The following BICDL1 variants were observed in gnomAD, a reference collection of about 807,000 sequenced individuals.
BICDL1 encodes BICD family-like cargo adapter 1.
Under a neutral mutation model 76.8 loss-of-function variants are expected in BICDL1, and 20 were observed. The ratio of observed to expected loss-of-function variants is 0.26; its 90% CI spans 0.18 to 0.38. BICDL1 has a LOEUF of 0.38. Among genes scored for constraint, BICDL1 ranks in the 10% least tolerant of loss-of-function variants. BICDL1 has a pLI of 1.00. For missense variants in BICDL1, 700 were observed against 798.6 expected, an observed-to-expected ratio of 0.88 and a Z score of 1.49; for synonymous variants, 383 against 337.1, an observed-to-expected ratio of 1.14 and a Z score of -1.49.
At chr12:120,092,847 C>T (rs1016870058) in intron 9 of BICDL1, 153 bp from the exon 10 acceptor site, 4 of 985,316 alleles carry the variant, frequency 4.1e-6, no homozygotes, top group Middle Eastern at 5.2e-4. Context: ...TGCCCACGCT[C>T]ACCGCTTTCT....
chr12:120,005,693 A>G (rs1447340659), intron 2 of BICDL1, among the ~76,000 whole-genome samples: 2 of 152,144 alleles, frequency 1.3e-5, no homozygotes, highest in African/African-American at 2.4e-5. Flanking sequence ...TTTAAACAAA[A>G]TGGTTTTCTT....
At position 120,093,101 on chromosome 12, in the gene BICDL1, G is replaced by A. The variant is rs1319447325; in HGVS notation, c.1806G>A (p.Arg602=). 6.2e-7 allele frequency: 1 copy of A among 1,613,316 alleles called. No homozygotes were observed. Among genetic ancestry groups the A allele is most frequent in the African/African-American group, 1.3e-5 (1 of 74,932 alleles). The part of the protein sequence containing the change: ...AALCRGHSAG[R]GDEPSIAEGK... ...TCTGCAGGGGCCACAGCGCTGGGCG[G>A]GGGGATGAGCCCAGCATCGCTGAAG... Residue 602 remains arginine (R), a synonymous_variant, in exon 10 of 10, where the codon CGG becomes CGA. Coordinates refer to ENST00000548673, the MANE Select transcript of BICDL1 (RefSeq NM_001367886.1).
chr12:120,038,116 C>T (rs1430676998), intron 2 of BICDL1, among the ~76,000 whole-genome samples: 2 of 152,188 alleles, frequency 1.3e-5, no homozygotes. Context: ...GAGCCAGCAG[C>T]AGTTGGGAAT....
chr12:120,079,105 C>T lies in BICDL1; in HGVS notation c.1453-1782C>T, dbSNP rs149378718. Among the ~76,000 whole-genome samples, 499 of 152,340 alleles carry T rather than the reference C, an allele frequency of 3.3e-3. 2 individuals carry two copies. The highest frequency in any genetic ancestry group is 0.011 in the African/African-American group (470 of 41,590). On this transcript the variant is annotated intron_variant, in intron 7 of 9. Transcript: ENST00000548673. The surrounding 1 kb of genome is among the most constrained non-coding windows in gnomAD (Gnocchi z 4.3). Reference sequence around the variant, plus strand: ...GCCCTCCTCACCCAGCTGTCCCTACCGGAAAAGCTGCTGCTTTGGGCTGTT... The same window carrying T: ...GCCCTCCTCACCCAGCTGTCCCTACTGGAAAAGCTGCTGCTTTGGGCTGTT...
rs1414846506 is a variant in BICDL1, at chr12:120,089,959, C to T, written c.1592C>T (p.Ala531Val). Reference protein sequence around the residue: ...DRDEAIAKKNAVELELAKCRM... With the variant: ...DRDEAIAKKNVVELELAKCRM... ...GGCTTGTCTGTTCTCAGGAAGAATG[C>T]TGTGGAGCTGGAACTTGCCAAGTGC... Residue 531 changes from alanine to valine, a missense_variant, in exon 9 of 10, where the codon GCT (alanine) becomes GTT (valine). Physicochemically the swap from Ala to Val is moderately conservative, Grantham distance 64 (BLOSUM62 0). Around this residue, in one of 3 missense-constraint regions of BICDL1, gnomAD observed 455 missense variants for 548.7 expected, o/e 0.83. Coordinates refer to ENST00000548673, the MANE Select transcript of BICDL1 (RefSeq NM_001367886.1). 29 of 1,613,870 alleles carry T rather than the reference C, an allele frequency of 1.8e-5. No individual in the cohort carries two copies. The highest frequency in any genetic ancestry group is 2.4e-5 in the Non-Finnish European group (28 of 1,179,932).
chr12:119,992,211 GA>G (rs1408294325), intron 1 of BICDL1, among the ~76,000 whole-genome samples: 1 of 152,186 alleles, frequency 6.6e-6, no homozygotes, highest in East Asian at 1.9e-4. Flanking sequence ...AAGATACTAA[GA>G]GAGTACCATT....
At chr12:120,078,578 C>A (rs1033740845) in intron 7 of BICDL1, among the ~76,000 whole-genome samples, 5 of 152,162 alleles carry the variant, frequency 3.3e-5, no homozygotes, top group African/African-American at 9.7e-5. Context: ...CCCTTGATAT[C>A]ATTTATCTCG....
intron 2 of BICDL1, among the ~76,000 whole-genome samples, chr12:120,037,234 G>A (rs1952546282): frequency 6.6e-6 from 1 of 152,060 alleles, no homozygotes; most frequent in Non-Finnish European, 1.5e-5. Flanking sequence ...TTGTATTTGT[G>A]CTCTTCTCTG....
At chr12:120,072,376 A>AC (rs926907485) in intron 5 of BICDL1, 135 bp from the exon 6 acceptor site, 1 of 755,308 alleles carries the variant, frequency 1.3e-6, no homozygotes, top group African/African-American at 1.8e-5. Context: ...TTAAAAAAAA[A>AC]ACACAGAACA....
At chr12:120,010,808 C>G (rs1951938639) in intron 2 of BICDL1, among the ~76,000 whole-genome samples, 1 of 152,022 alleles carries the variant, frequency 6.6e-6, no homozygotes, top group Non-Finnish European at 1.5e-5. Context: ...GGAAGCAGAG[C>G]CCCGGGGAAG....
intron 2 of BICDL1, among the ~76,000 whole-genome samples, chr12:120,060,545 TAGGA>T (rs1953082321): frequency 6.6e-6 from 1 of 152,158 alleles, no homozygotes; most frequent in South Asian, 2.1e-4. Flanking sequence ...AGATGATTCA[TAGGA>T]AGGAAAATTT....
At chr12:120,060,960 T>C (rs1055526670) in intron 2 of BICDL1, among the ~76,000 whole-genome samples, 3 of 152,206 alleles carry the variant, frequency 2.0e-5, no homozygotes, top group Non-Finnish European at 4.4e-5. Context: ...TTACTTAATT[T>C]GTCCCGTGGC....
chr12:119,997,634 G>A (rs947005441), intron 1 of BICDL1, among the ~76,000 whole-genome samples: 15 of 152,130 alleles, frequency 9.9e-5, no homozygotes, highest in African/African-American at 3.6e-4. Flanking sequence ...GACAGTCCCC[G>A]CTTTGCCGTT....
At chr12:120,064,434 T>C (rs1953175739) in intron 3 of BICDL1, among the ~76,000 whole-genome samples, 1 of 151,964 alleles carries the variant, frequency 6.6e-6, no homozygotes, top group Non-Finnish European at 1.5e-5. Flanking sequence ...GGAGCCCTTT[T>C]TTTTTTTATC....
rs570203054 is a variant in BICDL1, at chr12:120,041,842, C to T, written c.646-19868C>T. Among the ~76,000 whole-genome samples, 7 of 152,142 alleles carry T rather than the reference C, an allele frequency of 4.6e-5. No homozygotes were observed. The East Asian group carries it at 1.2e-3, about 25-fold the overall frequency. Reference sequence around the variant, plus strand: ...TATGAGTGGAACAAAGAGAATGCAGCGGAGAAAAGAGGAGATCTGAGATAA... The same window carrying T: ...TATGAGTGGAACAAAGAGAATGCAGTGGAGAAAAGAGGAGATCTGAGATAA... On this transcript the variant is annotated intron_variant, in intron 2 of 9. Transcript: ENST00000548673.
chr12:120,001,644 G>A (rs562135388), intron 2 of BICDL1, among the ~76,000 whole-genome samples: 1 of 152,304 alleles, frequency 6.6e-6, no homozygotes, highest in Non-Finnish European at 1.5e-5. Context: ...CCTTCGTCCA[G>A]AGTTTACATA....
At chr12:120,078,655 G>A (rs1448851258) in intron 7 of BICDL1, among the ~76,000 whole-genome samples, 3 of 152,230 alleles carry the variant, frequency 2.0e-5, no homozygotes, top group African/African-American at 4.8e-5. Flanking sequence ...TAAAAAGTAT[G>A]TATAGCTCAA....
At chr12:120,019,010 A>T (rs1262088678) in intron 2 of BICDL1, 1 of 145,036 alleles carries the variant, frequency 6.9e-6, no homozygotes, top group East Asian at 2.0e-4. Context: ...CCGCCACTGC[A>T]CTCCAGCCTG....
At chr12:120,072,182 C>T (rs181710111) in intron 5 of BICDL1, among the ~76,000 whole-genome samples, 2 of 152,182 alleles carry the variant, frequency 1.3e-5, no homozygotes, top group Non-Finnish European at 2.9e-5. Flanking sequence ...TCTTTTCACA[C>T]TTTTCATAAT....
Sources: allele counts gnomAD v4.1 joint callset (sites outside exome capture counted in the v4.1 genomes callset), GRCh38; gene constraint gnomAD v4.1.1; regional missense constraint gnomAD v4.1.1; non-coding constraint Gnocchi (gnomAD v3.1); transcripts MANE v1.5; gene names NCBI Gene and HGNC (gene_info 2026-07-23, HGNC 2026-07-21).